SLC24A2: variants seen among roughly 807,000 people sequenced by gnomAD.
SLC24A2 encodes the protein sodium/potassium/calcium exchanger 2.
In SLC24A2, 36 loss-of-function variants were observed where a neutral mutation model predicts 62.0. The ratio of observed to expected loss-of-function variants is 0.58; its 90% CI spans 0.44 to 0.77. The LOEUF (loss-of-function observed/expected upper bound fraction) is 0.77. SLC24A2 is among the 30% of genes least tolerant of loss of function. SLC24A2 has a pLI of 0.00. For synonymous variants in SLC24A2, 358 were observed against 294.0 expected, an observed-to-expected ratio of 1.22 and a Z score of -2.23; for missense variants, 846 against 817.9, an observed-to-expected ratio of 1.03 and a Z score of -0.42.
At chr9:19,721,998 A>G (rs1170001311) in intron 2 of SLC24A2, among the ~76,000 whole-genome samples, 1 of 152,142 alleles carries the variant, frequency 6.6e-6, no homozygotes, top group Admixed American at 6.6e-5. Flanking sequence ...TTTGCATAAT[A>G]CTTTTCCAAA....
chr9:19,772,171 C>T (rs1822709438), intron 2 of SLC24A2, among the ~76,000 whole-genome samples: 1 of 152,128 alleles, frequency 6.6e-6, no homozygotes, highest in Non-Finnish European at 1.5e-5. Context: ...CATCCTGGGT[C>T]CAATGTTCAA....
chr9:19,517,363 C>G (rs1231815171), intron 10 of SLC24A2, among the ~76,000 whole-genome samples: 1 of 152,112 alleles, frequency 6.6e-6, no homozygotes, highest in Non-Finnish European at 1.5e-5. Context: ...AAGGGAGGTT[C>G]AGTTTTGGCC....
chr9:19,821,034 T>C, the SLC24A2 span, among the ~76,000 whole-genome samples: 139 of 152,248 alleles, frequency 9.1e-4, no homozygotes, highest in African/African-American at 3.1e-3. Flanking sequence ...TGGCTTTGGC[T>C]TGCTTTTGAA....
At chr9:20,089,663 C>A in the SLC24A2 span, among the ~76,000 whole-genome samples, 1 of 151,918 alleles carries the variant, frequency 6.6e-6, no homozygotes, top group African/African-American at 2.4e-5. Context: ...GGGAGAGGCT[C>A]CCAGAGGCAT....
chr9:19,623,683 A>T (rs1456081712), intron 2 of SLC24A2, among the ~76,000 whole-genome samples: 1 of 152,238 alleles, frequency 6.6e-6, no homozygotes, highest in African/African-American at 2.4e-5. Flanking sequence ...TCAACACTTA[A>T]TGAGGTTGAT....
At chr9:20,142,922 AG>A in the SLC24A2 span, among the ~76,000 whole-genome samples, 2 of 152,122 alleles carry the variant, frequency 1.3e-5, no homozygotes, top group Non-Finnish European at 2.9e-5. Flanking sequence ...GACCTGAAGA[AG>A]GAAGGAGGTC....
intron 2 of SLC24A2, among the ~76,000 whole-genome samples, chr9:19,689,309 A>G (rs1008650479): frequency 2.6e-5 from 4 of 152,140 alleles, no homozygotes; most frequent in Admixed American, 6.6e-5. Context: ...TTATTCTACA[A>G]TTCTGCTGTT....
chr9:20,225,560 T>TA, the SLC24A2 span, among the ~76,000 whole-genome samples: 6 of 100,268 alleles, frequency 6.0e-5, no homozygotes, highest in Admixed American at 4.5e-4. Context: ...ACTATATATA[T>TA]TATATATATA....
chr9:19,609,456 G>A (rs902346329), intron 4 of SLC24A2, among the ~76,000 whole-genome samples: 1 of 152,202 alleles, frequency 6.6e-6, no homozygotes, highest in Non-Finnish European at 1.5e-5. Context: ...TCTTGATGAT[G>A]CTTTTTTGTA....
At chr9:19,774,286 C>T (rs1227247525) in intron 2 of SLC24A2, among the ~76,000 whole-genome samples, 1 of 152,120 alleles carries the variant, frequency 6.6e-6, no homozygotes, top group Non-Finnish European at 1.5e-5. Flanking sequence ...GAGGAAAATG[C>T]TATTACTTTA....
the SLC24A2 span, among the ~76,000 whole-genome samples, chr9:20,272,906 T>C: frequency 1.3e-5 from 2 of 152,148 alleles, no homozygotes; most frequent in African/African-American, 4.8e-5. Flanking sequence ...CCTTAGGTGT[T>C]GCAAGTAAAG....
At chr9:19,855,677 T>G in the SLC24A2 span, among the ~76,000 whole-genome samples, 3 of 152,208 alleles carry the variant, frequency 2.0e-5, no homozygotes, top group Non-Finnish European at 4.4e-5. Flanking sequence ...CTGATGGGCT[T>G]CCTTTTGTAG....
the SLC24A2 span, among the ~76,000 whole-genome samples, chr9:20,258,848 T>A: frequency 2.1e-5 from 3 of 141,854 alleles, no homozygotes; most frequent in East Asian, 6.2e-4. Context: ...TATCTATCTA[T>A]CTATCTAATG....
intron 10 of SLC24A2, among the ~76,000 whole-genome samples, chr9:19,517,641 T>C (rs1032022251): frequency 6.6e-6 from 1 of 152,174 alleles, no homozygotes; most frequent in Non-Finnish European, 1.5e-5. Flanking sequence ...ACCGGCACTT[T>C]GCCCAGTAGA....
intron 7 of SLC24A2, among the ~76,000 whole-genome samples, chr9:19,551,313 C>A (rs778353841): frequency 1.3e-5 from 2 of 152,204 alleles, no homozygotes; most frequent in Non-Finnish European, 1.5e-5. Context: ...GAACAAACTT[C>A]AGAGTCTCTG....
At chr9:19,939,606 A>C in the SLC24A2 span, among the ~76,000 whole-genome samples, 7 of 152,188 alleles carry the variant, frequency 4.6e-5, no homozygotes, top group African/African-American at 1.4e-4. Context: ...TACTGTAAAC[A>C]ACGGTAGACT....
chr9:20,080,558 T>C, the SLC24A2 span, among the ~76,000 whole-genome samples: 2 of 152,116 alleles, frequency 1.3e-5, no homozygotes, highest in Non-Finnish European at 2.9e-5. Context: ...ATTCAGGACA[T>C]AGGCATGGGC....
At chr9:20,227,585 G>A in the SLC24A2 span, among the ~76,000 whole-genome samples, 1 of 148,244 alleles carries the variant, frequency 6.7e-6, no homozygotes, top group South Asian at 2.2e-4. Flanking sequence ...CTGGAGCTGT[G>A]AGGCAACTAC....
chr9:20,141,867 G>C, the SLC24A2 span, among the ~76,000 whole-genome samples: 1 of 152,176 alleles, frequency 6.6e-6, no homozygotes, highest in African/African-American at 2.4e-5. Flanking sequence ...TGAATCACTT[G>C]AGCTCAGGAG....
Sources: gnomAD v4.1 joint callset for allele counts (sites outside exome capture counted in the v4.1 genomes callset) on GRCh38, gnomAD v4.1.1 for gene constraint, MANE v1.5 for transcripts, NCBI Gene and HGNC (gene_info 2026-07-23, HGNC 2026-07-21) for gene names.